The following CDH18 variants were observed in gnomAD, a reference collection of about 807,000 sequenced individuals.
The protein encoded by CDH18 is cadherin-18.
In CDH18, 31 loss-of-function variants were observed where a neutral mutation model predicts 67.9. The observed-to-expected ratio is 0.46, with a 90% CI of 0.34 to 0.62. The LOEUF (loss-of-function observed/expected upper bound fraction) is 0.62. Ranked by LOEUF, CDH18 falls within the 20% of genes least tolerant of loss-of-function variation. The pLI is 0.01. For missense variants in CDH18, 890 were observed against 975.5 expected (o/e 0.91, Z 1.17); for synonymous variants, 362 against 347.2 (o/e 1.04, Z -0.48).
At chr5:20,112,636 C>A (rs906581213) in intron 2 of CDH18, among the ~76,000 whole-genome samples, 1 of 152,134 alleles carries the variant, frequency 6.6e-6, no homozygotes, top group Non-Finnish European at 1.5e-5. Flanking sequence ...ATTGCTTGAA[C>A]CCTGCAGGCA....
intron 8 of CDH18, among the ~76,000 whole-genome samples, chr5:19,549,148 G>T (rs1736882794): frequency 6.6e-6 from 1 of 152,108 alleles, no homozygotes; most frequent in Non-Finnish European, 1.5e-5. Flanking sequence ...TCCCAATATT[G>T]GAGGTGAGGC....
chr5:19,791,718 A>T (rs575954040), intron 3 of CDH18, among the ~76,000 whole-genome samples: 4 of 152,176 alleles, frequency 2.6e-5, no homozygotes, highest in Non-Finnish European at 5.9e-5. Flanking sequence ...GAAAGTAATT[A>T]TCTGACACAA....
At chr5:20,027,003 A>C (rs1307363476) in intron 2 of CDH18, among the ~76,000 whole-genome samples, 1 of 151,930 alleles carries the variant, frequency 6.6e-6, no homozygotes, top group Non-Finnish European at 1.5e-5. Context: ...TTGATATGGA[A>C]ATAAACATAA....
intron 1 of CDH18, among the ~76,000 whole-genome samples, chr5:20,314,827 T>G (rs1380079926): frequency 6.6e-6 from 1 of 152,090 alleles, no homozygotes; most frequent in Non-Finnish European, 1.5e-5. Flanking sequence ...CAGTCAATAA[T>G]CATCTAAAGA....
chr5:20,487,372 C>T (rs1753265948), intron 1 of CDH18, among the ~76,000 whole-genome samples: 1 of 141,794 alleles, frequency 7.1e-6, no homozygotes, highest in African/African-American at 2.9e-5. Context: ...ATATATAAAC[C>T]TATATATGTA....
chr5:19,504,359 C>A (rs1451288290), intron 10 of CDH18, among the ~76,000 whole-genome samples: 1 of 152,044 alleles, frequency 6.6e-6, no homozygotes, highest in Non-Finnish European at 1.5e-5. Context: ...CCTCCATCTC[C>A]AAATAAGTCT....
intron 2 of CDH18, among the ~76,000 whole-genome samples, chr5:20,123,731 C>CA (rs1292948544): frequency 1.3e-5 from 2 of 151,478 alleles, no homozygotes; most frequent in Admixed American, 6.6e-5. Flanking sequence ...ACTAAAAATA[C>CA]AAAAAAATTA....
At chr5:20,144,339 G>A (rs980607761) in intron 2 of CDH18, among the ~76,000 whole-genome samples, 2 of 152,098 alleles carry the variant, frequency 1.3e-5, no homozygotes, top group African/African-American at 4.8e-5. Flanking sequence ...AAAATCTAAT[G>A]GGTTTTATCC....
rs534354055 is a variant in CDH18 at position 19,587,896 on chromosome 5, G to A, written c.999+3161C>T. ...CTTTGGGCAGTATGGCCAATTTCAC[G>A]ATATTGATTCTTCCTATCCATGAGC... is the stretch of plus-strand genomic sequence containing the variant. On this transcript the variant is annotated intron_variant, in intron 7 of 12. Transcript: ENST00000382275. Among the ~76,000 whole-genome samples the A allele has an allele frequency of 3.3e-5, 5 of 152,040 alleles. No individual in the cohort carries two copies. The South Asian group carries it at 6.2e-4, about 19-fold the overall frequency.
intron 10 of CDH18, 146 bp downstream of exon 10, chr5:19,520,511 G>T: frequency 1.6e-6 from 1 of 627,928 alleles, no homozygotes; most frequent in Non-Finnish European, 2.4e-6. Flanking sequence ...AAATTATTTG[G>T]TACTTAAAAT....
chr5:19,734,336 A>T (rs1429706209), intron 4 of CDH18, among the ~76,000 whole-genome samples: 2 of 152,194 alleles, frequency 1.3e-5, no homozygotes, highest in African/African-American at 4.8e-5. Flanking sequence ...CTATTTCCAA[A>T]GCAGGAGTAA....
At chr5:20,357,857 G>T (rs1045118727) in intron 1 of CDH18, among the ~76,000 whole-genome samples, 1 of 152,066 alleles carries the variant, frequency 6.6e-6, no homozygotes, top group Non-Finnish European at 1.5e-5. Context: ...CATGCTCACT[G>T]CAGCACTATT....
intron 3 of CDH18, among the ~76,000 whole-genome samples, chr5:19,820,927 A>C (rs1277554361): frequency 6.6e-6 from 1 of 152,218 alleles, no homozygotes; most frequent in Admixed American, 6.5e-5. Context: ...AACAGGAAAA[A>C]AAATAAAAAT....
At chr5:19,491,377 T>G (rs1741441966) in intron 11 of CDH18, among the ~76,000 whole-genome samples, 1 of 152,172 alleles carries the variant, frequency 6.6e-6, no homozygotes, top group Non-Finnish European at 1.5e-5. Flanking sequence ...TTTTAAATGG[T>G]TATACTCTGT....
At chr5:19,763,654 A>C (rs1772665291) in intron 3 of CDH18, among the ~76,000 whole-genome samples, 2 of 152,172 alleles carry the variant, frequency 1.3e-5, no homozygotes, top group Non-Finnish European at 2.9e-5. Context: ...GAGAACATTG[A>C]CACAAAGTTG....
At chr5:19,475,654 ATAT>A (rs1738332870) in intron 12 of CDH18, among the ~76,000 whole-genome samples, 3 of 152,144 alleles carry the variant, frequency 2.0e-5, no homozygotes, top group African/African-American at 2.4e-5. Context: ...TATGTTCCAA[ATAT>A]TATTATATTA....
chr5:20,050,987 A>G (rs1259166687), intron 2 of CDH18, among the ~76,000 whole-genome samples: 1 of 151,860 alleles, frequency 6.6e-6, no homozygotes, highest in Non-Finnish European at 1.5e-5. Flanking sequence ...ATGAGTCAGA[A>G]AAAGGCAATG....
At chr5:20,130,765 C>A (rs1749204267) in intron 2 of CDH18, among the ~76,000 whole-genome samples, 1 of 151,982 alleles carries the variant, frequency 6.6e-6, no homozygotes, top group Non-Finnish European at 1.5e-5. Flanking sequence ...TTTTAAAAAT[C>A]TCATATCAAT....
intron 2 of CDH18, among the ~76,000 whole-genome samples, chr5:19,922,274 C>A (rs1464828394): frequency 6.6e-6 from 1 of 152,118 alleles, no homozygotes; most frequent in African/African-American, 2.4e-5. Flanking sequence ...CATGTTTCTG[C>A]TTTAGCTAGG....
Sources: gnomAD v4.1 joint callset for allele counts (sites outside exome capture counted in the v4.1 genomes callset) on GRCh38, gnomAD v4.1.1 for gene constraint, MANE v1.5 for transcripts, NCBI Gene and HGNC (gene_info 2026-07-23, HGNC 2026-07-21) for gene names.